The following R3HDM4 variants were observed in gnomAD, a reference collection of about 807,000 sequenced individuals.
The protein encoded by R3HDM4 is R3H domain containing 4.
In R3HDM4, 30 loss-of-function variants were observed where a neutral mutation model predicts 31.3. That is an observed-to-expected ratio of 0.96 (90% confidence interval 0.72 to 1.30). R3HDM4 has a LOEUF of 1.30. Among genes scored for constraint, R3HDM4 ranks in the 50% most tolerant of loss-of-function variants. The pLI is 0.00. For synonymous variants in R3HDM4, 196 were observed against 156.6 expected, an observed-to-expected ratio of 1.25 and a Z score of -1.88; for missense variants, 444 against 366.1, an observed-to-expected ratio of 1.21 and a Z score of -1.74.
At position 902,022 on chromosome 19, in the gene R3HDM4, G is replaced by A. The variant is rs201880872; in HGVS notation, c.180C>T (p.Leu60=). The part of the protein sequence containing the change: ...FINQAVRNSD[L]VPKAKGRKSL... ...TCTTCCGCCCCTTGGCCTTGGGCACGAGGTCTGAGTTCCGCACTGCCTGGT... is the reference window on the plus strand; with the variant it reads ...TCTTCCGCCCCTTGGCCTTGGGCACAAGGTCTGAGTTCCGCACTGCCTGGT... Residue 60 remains leucine, a synonymous_variant, in exon 2 of 8, where the codon CTC becomes CTT. Transcript: ENST00000361574. 9.3e-5 allele frequency: 150 copies of A among 1,613,778 alleles called. No homozygotes were observed. Among genetic ancestry groups the A allele is most frequent in the African/African-American group, 2.7e-4 (20 of 74,948 alleles).
At chr19:903,510 G>T (rs1033833335) in intron 1 of R3HDM4, among the ~76,000 whole-genome samples, 3 of 152,130 alleles carry the variant, frequency 2.0e-5, no homozygotes, top group South Asian at 2.1e-4. Context: ...GCGGCGTTTG[G>T]GGGGAGGTAG....
intron 1 of R3HDM4, among the ~76,000 whole-genome samples, chr19:911,167 C>G (rs574330764): frequency 1.3e-5 from 2 of 151,744 alleles, no homozygotes; most frequent in African/African-American, 4.8e-5. Flanking sequence ...TACTAAAGAC[C>G]GGGTGCGGTG....
chr19:910,079 A>G (rs1305953444), intron 1 of R3HDM4, among the ~76,000 whole-genome samples: 2 of 152,152 alleles, frequency 1.3e-5, no homozygotes, highest in Admixed American at 6.5e-5. Flanking sequence ...TAATCCCAGC[A>G]CTTTGGGAGG....
At chr19:901,056 C>A in intron 3 of R3HDM4, 104 bp from the exon 4 acceptor site, 1 of 1,363,260 alleles carries the variant, frequency 7.3e-7, no homozygotes. Context: ...TGGACGCGCT[C>A]CTGCGGTCAC....
rs1191933491 is a variant in R3HDM4 at position 900,219 on chromosome 19, C to G, written c.476-73G>C. 14 of 1,280,172 alleles carry G rather than the reference C, an allele frequency of 1.1e-5. No individual in the cohort carries two copies. In the East Asian group the frequency reaches 3.5e-4, roughly 32 times the overall value. 79.3% of individuals were successfully genotyped at this position (1,280,172 alleles called of 1,614,324 possible). A position where few individuals can be genotyped will look rare whatever the true frequency, so the allele number is the denominator to read the frequency against. Reference sequence around the variant, plus strand: ...CCCTGCCCACCTGCCAGACCACGCCCACCCAGGGAAGACCACGCCCATCTG... The same window carrying G: ...CCCTGCCCACCTGCCAGACCACGCCGACCCAGGGAAGACCACGCCCATCTG... On this transcript the variant is annotated intron_variant, in intron 4 of 7. Coordinates refer to ENST00000361574, the MANE Select transcript of R3HDM4 (RefSeq NM_138774.4).
chr19:899,397 T>C lies in R3HDM4; in HGVS notation c.703+43A>G. The stretch of plus-strand genomic sequence containing the variant: ...CTGGGACCCTGGCCACTTTCCCAGG[T>C]TGAGCTGGCCAACTTGGGGTCTTGG... On this transcript the variant is annotated intron_variant, in intron 7 of 7. Coordinates refer to ENST00000361574, the MANE Select transcript of R3HDM4 (RefSeq NM_138774.4). The surrounding 1 kb of genome is among the most constrained non-coding windows in gnomAD (Gnocchi z 6.8). The C allele has an allele frequency of 6.3e-7, 1 of 1,596,476 alleles. No individual in the cohort carries two copies. Among genetic ancestry groups the C allele is most frequent in the Non-Finnish European group, 8.6e-7 (1 of 1,167,590 alleles).
chr19:901,211 T>A, intron 3 of R3HDM4: 1 of 665,502 alleles, frequency 1.5e-6, no homozygotes, highest in Non-Finnish European at 2.5e-6. Flanking sequence ...CCAAACGTGT[T>A]GGGCAGGTGA....
rs928474361 is a variant in R3HDM4, at chr19:907,424, C to A, written c.72-5294G>T. On this transcript the variant is annotated intron_variant, in intron 1 of 7. Coordinates refer to ENST00000361574, the MANE Select transcript of R3HDM4 (RefSeq NM_138774.4). This position sits in a 1 kb window ranked among gnomAD's most constrained non-coding sequence, Gnocchi z 4.1. ...CAGGGCCGATAACAGAAGTGACATC[C>A]GAGGGGAGCCCTCGGGGAAGTCAGA... 3.3e-5 allele frequency among the ~76,000 whole-genome samples: 5 copies of A among 152,030 alleles called. No individual in the cohort carries two copies. Among genetic ancestry groups the A allele is most frequent in the African/African-American group, 1.2e-4 (5 of 41,398 alleles).
At chr19:898,941 G>C (rs1228950777) in intron 7 of R3HDM4, among the ~76,000 whole-genome samples, 1 of 152,224 alleles carries the variant, frequency 6.6e-6, no homozygotes, top group Non-Finnish European at 1.5e-5. Flanking sequence ...CAGATGGGGT[G>C]CCTGGGGCCG....
chr19:902,234 G>C (rs2036847491), intron 1 of R3HDM4, 104 bp from the exon 2 acceptor site: 1 of 1,313,482 alleles, frequency 7.6e-7, no homozygotes, highest in South Asian at 1.2e-5. Context: ...CAGCAATGGA[G>C]AGCTCACCCC....
In R3HDM4 at chr19:900,139, G is replaced by C. The variant is rs199817764; in HGVS notation, c.483C>G (p.Pro161=). The C allele has an allele frequency of 1.3e-6, 2 of 1,579,336 alleles. No individual in the cohort carries two copies. ...GRGEDRRRED[P]AYTPRECFQR... The stretch of plus-strand genomic sequence containing the variant: ...GGAAGCACTCGCGGGGTGTATAGGC[G>C]GGGTCCTCTGCAGGAGTGGGGGAAC... Residue 161 remains proline, a synonymous_variant, in exon 5 of 8, where the codon CCC becomes CCG. Coordinates refer to ENST00000361574, the MANE Select transcript of R3HDM4 (RefSeq NM_138774.4).
chr19:903,469 G>A (rs943903178), intron 1 of R3HDM4, among the ~76,000 whole-genome samples: 4 of 152,054 alleles, frequency 2.6e-5, no homozygotes, highest in African/African-American at 7.2e-5. Flanking sequence ...GGGTAAGCGC[G>A]CACCGCAGCC....
Position 903,432 on chromosome 19 carries a change from T to G in R3HDM4, c.72-1302A>C, listed in dbSNP as rs73918217. Among the ~76,000 whole-genome samples the G allele has an allele frequency of 8.2e-3, 1,225 of 149,794 alleles. 22 individuals carry two copies. The highest frequency in any genetic ancestry group is 0.029 in the African/African-American group (1,169 of 40,538). On this transcript the variant is annotated intron_variant, in intron 1 of 7. Coordinates refer to ENST00000361574, the MANE Select transcript of R3HDM4 (RefSeq NM_138774.4). ...AGTGTGGGGGGAATAGGCAGCCGCC[T>G]GGGAAGCGGGTGGTTGGACAGGGTG...
At position 901,864 on chromosome 19, in the gene R3HDM4, C is replaced by A. The variant is rs2036841848; in HGVS notation, c.226+112G>T. ...GCCTACAGCTGACACCTCTTTGGGT[C>A]CCCAGCCCCACCCAGGCACAGCTCA... On this transcript the variant is annotated intron_variant, in intron 2 of 7. Coordinates refer to ENST00000361574, the MANE Select transcript of R3HDM4 (RefSeq NM_138774.4). 3.3e-6 allele frequency: 4 copies of A among 1,220,350 alleles called. No homozygotes were observed. The African/African-American group carries it at 6.2e-5, about 19-fold the overall frequency. The allele number at this position is 1,220,350 out of a possible 1,614,324, so 75.6% of individuals were successfully genotyped here. A position where few individuals can be genotyped will look rare whatever the true frequency, so the allele number is the denominator to read the frequency against.
intron 7 of R3HDM4, among the ~76,000 whole-genome samples, chr19:898,877 T>C (rs1209939839): frequency 6.6e-6 from 1 of 152,094 alleles, no homozygotes; most frequent in Non-Finnish European, 1.5e-5. Flanking sequence ...ATGGAAACTG[T>C]CACCTCGGCA....
chr19:899,413 G>A lies in R3HDM4; in HGVS notation c.703+27C>T, dbSNP rs1160097523. 6.2e-7 allele frequency: 1 copy of A among 1,612,116 alleles called. No individual in the cohort carries two copies. Among genetic ancestry groups the A allele is most frequent in the East Asian group, 2.2e-5 (1 of 44,856 alleles). The stretch of plus-strand genomic sequence containing the variant: ...TTTCCCAGGTTGAGCTGGCCAACTT[G>A]GGGTCTTGGGGGCCACCGGCACTTA... On this transcript the variant is annotated intron_variant, in intron 7 of 7. Coordinates refer to ENST00000361574, the MANE Select transcript of R3HDM4 (RefSeq NM_138774.4). This position sits in a 1 kb window ranked among gnomAD's most constrained non-coding sequence, Gnocchi z 6.8.
At chr19:901,334 G>A in intron 3 of R3HDM4, 88 bp downstream of exon 3, 1 of 1,422,830 alleles carries the variant, frequency 7.0e-7, no homozygotes, top group East Asian at 2.4e-5. Context: ...GGGTGCTTCT[G>A]GCGGGGGACG....
rs977784087 is a variant in R3HDM4, at chr19:901,768, G to A, written c.226+208C>T. The A allele has an allele frequency of 2.3e-5, 17 of 727,640 alleles. No homozygotes were observed. The Admixed American group carries it at 2.5e-4, about 11-fold the overall frequency. The allele number at this position is 727,640 out of a possible 1,614,324, so 45.1% of individuals were successfully genotyped here. On this transcript the variant is annotated intron_variant, in intron 2 of 7. Coordinates refer to ENST00000361574, the MANE Select transcript of R3HDM4 (RefSeq NM_138774.4). ...AAGCCCCAGCTCCAATGCCCGGGGC[G>A]CCCTCCCACCCAGCCCTGATCCAAG... is the stretch of plus-strand genomic sequence containing the variant.
intron 1 of R3HDM4, among the ~76,000 whole-genome samples, chr19:910,681 A>T (rs1304988713): frequency 6.6e-5 from 10 of 152,154 alleles, no homozygotes; most frequent in Admixed American, 6.6e-4. Context: ...TCTGTCTCCA[A>T]TCAATTAACC....
Sources: allele counts gnomAD v4.1 joint callset (sites outside exome capture counted in the v4.1 genomes callset), GRCh38; gene constraint gnomAD v4.1.1; non-coding constraint Gnocchi (gnomAD v3.1); transcripts MANE v1.5; gene names NCBI Gene and HGNC (gene_info 2026-07-23, HGNC 2026-07-21).